The following DDX54 variants were observed in gnomAD, a reference collection of about 807,000 sequenced individuals.
The protein encoded by DDX54 is DEAD-box helicase 54, also known as ATP-dependent RNA helicase DDX54.
In DDX54, 67 loss-of-function variants were observed where a neutral mutation model predicts 105.5. The observed-to-expected ratio is 0.64, with a 90% CI of 0.52 to 0.78. The LOEUF is 0.78. Among genes scored for constraint, DDX54 ranks in the 30% least tolerant of loss-of-function variants. The pLI is 0.00. For missense variants in DDX54, 1,206 were observed against 1,230.5 expected (o/e 0.98, Z 0.30); for synonymous variants, 514 against 509.9 (o/e 1.01, Z -0.11).
intron 10 of DDX54, among the ~76,000 whole-genome samples, chr12:113,173,033 A>G (rs1021708807): frequency 1.3e-5 from 2 of 152,184 alleles, no homozygotes; most frequent in Non-Finnish European, 2.9e-5. Flanking sequence ...TGAGAGTGCT[A>G]GCTGTTCTTT....
At chr12:113,184,805 AAC>A (rs1952507329) in intron 1 of DDX54, among the ~76,000 whole-genome samples, 1 of 152,192 alleles carries the variant, frequency 6.6e-6, no homozygotes, top group Admixed American at 6.5e-5. Flanking sequence ...CGGCATGAGC[AAC>A]AGAGCAAGAC....
chr12:113,167,922 G>A (rs747812370), intron 12 of DDX54: 1 of 510,162 alleles, frequency 2.0e-6, no homozygotes, highest in Non-Finnish European at 3.9e-6. Context: ...TGGGCCCCTG[G>A]GGCTGCCAGG....
chr12:113,169,927 C>T (rs1952317219), intron 11 of DDX54, 23 bp from the exon 12 acceptor site: 8 of 1,613,096 alleles, frequency 5.0e-6, no homozygotes, highest in South Asian at 2.2e-5. Flanking sequence ...GACGTTCAAG[C>T]TTAATTAAGC....
At chr12:113,159,213 T>C (rs1475290444) in intron 19 of DDX54, 104 bp from the exon 20 acceptor site, 1 of 1,253,352 alleles carries the variant, frequency 8.0e-7, no homozygotes, top group Admixed American at 2.3e-5. Flanking sequence ...TCCTGTTCTG[T>C]GCTTATTGCT....
intron 1 of DDX54, among the ~76,000 whole-genome samples, chr12:113,182,861 T>C (rs1388097063): frequency 1.3e-5 from 2 of 151,104 alleles, no homozygotes; most frequent in African/African-American, 4.9e-5. Flanking sequence ...CCAGCCTCCT[T>C]TGGTCTTTTC....
rs1464201687 is a variant in DDX54 at position 113,163,323 on chromosome 12, G to T, written c.1939-49C>A. 6.4e-7 allele frequency: 1 copy of T among 1,570,136 alleles called. No individual in the cohort carries two copies. The highest frequency in any genetic ancestry group is 1.7e-5 in the Admixed American group (1 of 57,492). On this transcript the variant is annotated intron_variant, in intron 15 of 19. Coordinates refer to ENST00000306014, the MANE Select transcript of DDX54 (RefSeq NM_024072.4). The surrounding 1 kb of genome is among the most constrained non-coding windows in gnomAD (Gnocchi z 5.9). Reference sequence around the variant, plus strand: ...CAGTGTCATGCCTGCTGCCCCCTGGGGACTTCCCCCTGCCTCCCTACCCAC... The same window carrying T: ...CAGTGTCATGCCTGCTGCCCCCTGGTGACTTCCCCCTGCCTCCCTACCCAC...
intron 7 of DDX54, 129 bp from the exon 8 acceptor site, chr12:113,175,286 A>G: frequency 7.9e-7 from 1 of 1,269,870 alleles, no homozygotes; most frequent in Non-Finnish European, 1.1e-6. Context: ...CAGCCCACTC[A>G]CACTTATCAC....
intron 17 of DDX54, chr12:113,162,635 C>A: frequency 4.8e-6 from 2 of 412,942 alleles, no homozygotes; most frequent in East Asian, 5.3e-5. Flanking sequence ...CTCACTCACC[C>A]CAGGGAATGG....
At chr12:113,168,050 C>A (rs1198140611) in intron 12 of DDX54, 2 of 432,524 alleles carry the variant, frequency 4.6e-6, no homozygotes, top group East Asian at 7.9e-5. Flanking sequence ...TGGCGCCCGA[C>A]TGAGGCCTCC....
rs1457222304 is a variant in DDX54, at chr12:113,162,978, C to T, written c.2149G>A (p.Gly717Arg). The T allele has an allele frequency of 9.9e-6, 16 of 1,608,688 alleles. No individual in the cohort carries two copies. The highest frequency in any genetic ancestry group is 1.4e-5 in the Non-Finnish European group (16 of 1,179,748). The change falls in exon 17 of 20, where the codon GGG becomes AGG. Residue 717 changes from glycine to arginine, a missense_variant. Coordinates refer to ENST00000306014, the MANE Select transcript of DDX54 (RefSeq NM_024072.4). ...CTCGTCAGGTTCTGGGCTTCATCCC[C>T]CATCAAGTCCAGGACAGCGCCAGCT... ...QAAGAVLDLMGDEAQNLTRGR... is the reference protein window; with the variant it reads ...QAAGAVLDLMRDEAQNLTRGR...
chr12:113,161,927 C>T lies in DDX54; in HGVS notation c.2266G>A (p.Gly756Ser), dbSNP rs1258853655. Residue 756 changes from glycine (G) to serine (S), a missense_variant, in exon 18 of 20, where the codon GGC (glycine) becomes AGC (serine). Gly to Ser is a moderately conservative substitution (Grantham distance 56). Around this residue, in one of 3 missense-constraint regions of DDX54, gnomAD observed 961 missense variants for 1,019.1 expected, o/e 0.94. Transcript: ENST00000306014. ...TTGTAGGAGCTGCTGATGTAGCGGCCGCTCTCTGTCTTAATCTTCTTCTTG... is the reference window on the plus strand; with the variant it reads ...TTGTAGGAGCTGCTGATGTAGCGGCTGCTCTCTGTCTTAATCTTCTTCTTG... ...EDKKKIKTES[G>S]RYISSSYKRD... 3 of 1,612,990 alleles carry T rather than the reference C, an allele frequency of 1.9e-6. No homozygotes were observed. The highest frequency in any genetic ancestry group is 1.1e-5 in the South Asian group (1 of 91,064).
At chr12:113,165,232 T>G (rs1216618580) in intron 14 of DDX54, among the ~76,000 whole-genome samples, 2 of 152,140 alleles carry the variant, frequency 1.3e-5, no homozygotes, top group Admixed American at 1.3e-4. Flanking sequence ...TGCATCCCCT[T>G]CCATATGCAC....
chr12:113,173,693 C>G (rs1214823626), intron 10 of DDX54, among the ~76,000 whole-genome samples: 1 of 152,172 alleles, frequency 6.6e-6, no homozygotes, highest in Non-Finnish European at 1.5e-5. Flanking sequence ...AGAAGTCAAA[C>G]AAACCACATA....
Position 113,161,376 on chromosome 12 carries a change from C to T in DDX54, c.2307G>A (p.Gln769=). 7 of 1,612,294 alleles carry T rather than the reference C, an allele frequency of 4.3e-6. No individual in the cohort carries two copies. Among genetic ancestry groups the T allele is most frequent in the Non-Finnish European group, 5.9e-6 (7 of 1,179,146 alleles). ...ISSSYKRDLY[Q]KWKQKQKIDD... ...CAATTTTCTGTTTCTGTTTCCACTT[C>T]TGATAGCTGGGAAACCTCGTTAAGG... Residue 769 remains glutamine, a synonymous_variant, in exon 19 of 20, where the codon CAG becomes CAA. Coordinates refer to ENST00000306014, the MANE Select transcript of DDX54 (RefSeq NM_024072.4).
chr12:113,167,898 C>T (rs1389229851), intron 12 of DDX54: 2 of 505,740 alleles, frequency 4.0e-6, no homozygotes, highest in Non-Finnish European at 7.9e-6. Flanking sequence ...TTTCCTCCTG[C>T]TCCTGCCTGT....
Position 113,177,108 on chromosome 12 carries a change from AGG to A in DDX54, c.615-17_615-16del. 6 of 1,613,876 alleles carry A rather than the reference AGG, an allele frequency of 3.7e-6. No individual in the cohort carries two copies. The highest frequency in any genetic ancestry group is 5.1e-6 in the Non-Finnish European group (6 of 1,179,896). ...GGTCTTCCATCCTAGAGAGGAGAGAAGGGGTTAGCTTGATAGAACAGGTCTCT... is the reference window on the plus strand; with the variant it reads ...GGTCTTCCATCCTAGAGAGGAGAGAAGGTTAGCTTGATAGAACAGGTCTCT... On this transcript the variant is annotated splice_polypyrimidine_tract_variant and intron_variant, in intron 5 of 19. Coordinates refer to ENST00000306014, the MANE Select transcript of DDX54 (RefSeq NM_024072.4).
Position 113,172,405 on chromosome 12 carries a change from A to G in DDX54, c.1227T>C (p.Asn409=), listed in dbSNP as rs1429801827. The G allele has an allele frequency of 2.5e-6, 4 of 1,614,090 alleles. No homozygotes were observed. In the East Asian group the frequency reaches 8.9e-5, roughly 36 times the overall value. The change falls in exon 11 of 20, where the codon AAT becomes AAC. Residue 409 remains asparagine (N), a synonymous_variant. Coordinates refer to ENST00000306014, the MANE Select transcript of DDX54 (RefSeq NM_024072.4). The part of the protein sequence containing the change: ...ARGLDIPLLD[N]VINYSFPAKG... ...TGGCGGGGAAGCTGTAGTTGATGACATTGTCCAGCAGCGGGATGTCCAGGC... is the reference window on the plus strand; with the variant it reads ...TGGCGGGGAAGCTGTAGTTGATGACGTTGTCCAGCAGCGGGATGTCCAGGC...
rs369653706 is a variant in DDX54 at position 113,180,965 on chromosome 12, T to A, written c.268A>T (p.Lys90Ter). Residue 90 changes from lysine (K) to a stop codon, truncating the protein, a stop_gained, in exon 2 of 20, where the codon AAG becomes TAG. Coordinates refer to ENST00000306014, the MANE Select transcript of DDX54 (RefSeq NM_024072.4). LOFTEE classifies it high-confidence loss of function. ...DTREMVRAQNKKKKKSGGFQS... is the reference protein window; with the variant it reads ...DTREMVRAQN ...AAGCCTCCAGACTTCTTCTTCTTCT[T>A]GTTCTGGGCACGCACCATCTCCCGG... 5.0e-6 allele frequency: 8 copies of A among 1,613,740 alleles called. No homozygotes were observed. In the African/African-American group the frequency reaches 1.1e-4, roughly 22 times the overall value.
At chr12:113,162,729 A>C in intron 17 of DDX54, 2 of 515,822 alleles carry the variant, frequency 3.9e-6, no homozygotes, top group Non-Finnish European at 6.7e-6. Flanking sequence ...ATGGAGGGGC[A>C]GCTCACTCTC....
Sources: gnomAD v4.1 joint callset for allele counts (sites outside exome capture counted in the v4.1 genomes callset) on GRCh38, gnomAD v4.1.1 for gene constraint, gnomAD v4.1.1 regional missense constraint, Gnocchi (gnomAD v3.1) non-coding constraint, MANE v1.5 for transcripts, NCBI Gene and HGNC (gene_info 2026-07-23, HGNC 2026-07-21) for gene names.